RANBP3L: variants seen among roughly 807,000 people sequenced by gnomAD.
RANBP3L encodes ran-binding protein 3-like.
In RANBP3L, 56 loss-of-function variants were observed where a neutral mutation model predicts 67.2. The ratio of observed to expected loss-of-function variants is 0.83; its 90% confidence interval spans 0.67 to 1.04. The LOEUF is 1.04. Ranked by LOEUF, RANBP3L falls within the 50% of genes least tolerant of loss-of-function variation. The pLI is 0.00. For synonymous variants in RANBP3L, 164 were observed against 181.4 expected (o/e 0.90, Z 0.77); for missense variants, 496 against 535.5 (o/e 0.93, Z 0.73).
At chr5:36,295,273 G>A (rs1188685085) in intron 1 of RANBP3L, among the ~76,000 whole-genome samples, 1 of 151,992 alleles carries the variant, frequency 6.6e-6, no homozygotes, top group African/African-American at 2.4e-5. Flanking sequence ...ACATGTCATG[G>A]GAGGGACCCA....
At chr5:36,296,846 T>C (rs1053173873) in intron 1 of RANBP3L, among the ~76,000 whole-genome samples, 43 of 152,266 alleles carry the variant, frequency 2.8e-4, no homozygotes, top group Admixed American at 1.8e-3. Context: ...AAGGCCTGAA[T>C]AGAACAAAAG....
chr5:36,248,214 A>T lies in RANBP3L; in HGVS notation c.*1440T>A. Among the ~76,000 whole-genome samples, 1 of 150,206 alleles carries T rather than the reference A, an allele frequency of 6.7e-6. No individual in the cohort carries two copies. Among genetic ancestry groups the T allele is most frequent in the Non-Finnish European group, 1.5e-5 (1 of 67,508 alleles). On this transcript the variant is annotated 3_prime_UTR_variant, in exon 14 of 14. Coordinates refer to ENST00000296604, the MANE Select transcript of RANBP3L (RefSeq NM_145000.5). ...CACATTTACTTTATTTTTCCTCTTT[A>T]TTTTCTGAGTCATTGACTCCTTTAT... is the stretch of plus-strand genomic sequence containing the variant.
At chr5:36,263,532 T>C (rs1029388468) in intron 6 of RANBP3L, among the ~76,000 whole-genome samples, 2 of 152,206 alleles carry the variant, frequency 1.3e-5, no homozygotes, top group Non-Finnish European at 1.5e-5. Context: ...TTCTATTACA[T>C]AATTTAAAAC....
In RANBP3L at chr5:36,261,956, TA is replaced by T. The variant is rs1749422775; in HGVS notation, c.566del (p.Leu189Ter). The T allele has an allele frequency of 1.9e-6, 3 of 1,573,322 alleles. No individual in the cohort carries two copies. The highest frequency in any genetic ancestry group is 1.4e-5 in the African/African-American group (1 of 73,964). On this transcript the variant is annotated frameshift_variant, in exon 7 of 14. Transcript: ENST00000296604. LOFTEE classifies it high-confidence loss of function. ...TAACTTACCCTACTGATGTTGCACC[TA>T]AAAAGTCCTGGTTAGTAGACAGCTG... Reference protein sequence around the residue: ...SVQLSTNQDFLGATSVGCQPN... With the variant: ...SVQLSTNQDFXGATSVGCQPN...
chr5:36,269,351 A>G (rs969460434), intron 4 of RANBP3L, 39 bp downstream of exon 4: 2 of 1,180,702 alleles, frequency 1.7e-6, no homozygotes, highest in Non-Finnish European at 2.5e-6. Context: ...TTCAGAATAA[A>G]CATAACAGTG....
chr5:36,258,699 C>G (rs1749163664), intron 8 of RANBP3L, among the ~76,000 whole-genome samples: 2 of 152,222 alleles, frequency 1.3e-5, no homozygotes, highest in Admixed American at 1.3e-4. Flanking sequence ...AGTGCCTTCT[C>G]AAACAAAACC....
chr5:36,285,866 G>A (rs1751287385), intron 1 of RANBP3L, among the ~76,000 whole-genome samples: 1 of 152,160 alleles, frequency 6.6e-6, no homozygotes, highest in African/African-American at 2.4e-5. Flanking sequence ...ACCTTGGATT[G>A]CCTGAAATAT....
rs766704642 is a variant in RANBP3L, at chr5:36,260,884, A to T, written c.585-20T>A. The stretch of plus-strand genomic sequence containing the variant: ...TGACATCTAAGAAAATGAAATAAGC[A>T]TTTACTATTTTAAATACATAGATAA... On this transcript the variant is annotated intron_variant, in intron 7 of 13. Transcript: ENST00000296604. 5.1e-5 allele frequency: 54 copies of T among 1,062,302 alleles called. 2 individuals are homozygous for T. In the South Asian group the frequency reaches 7.3e-4, roughly 14 times the overall value. The allele number at this position is 1,062,302 out of a possible 1,614,324, so 65.8% of individuals were successfully genotyped here.
intron 1 of RANBP3L, among the ~76,000 whole-genome samples, chr5:36,291,987 C>A (rs1751817859): frequency 7.7e-6 from 1 of 130,338 alleles, no homozygotes; most frequent in East Asian, 2.1e-4. Flanking sequence ...CTGACTTCCA[C>A]AATGGTTGAA....
intron 1 of RANBP3L, among the ~76,000 whole-genome samples, chr5:36,279,591 CA>C (rs1329846587): frequency 6.6e-6 from 1 of 152,088 alleles, no homozygotes; most frequent in African/African-American, 2.4e-5. Context: ...ACTGGAGAAG[CA>C]AGATGAATGG....
rs150881475 is a variant in RANBP3L, at chr5:36,277,386, C to T, written c.92-6075G>A. ...TGTATTTTAAATAAAGGACTCGAGC[C>T]TCAGCTTTTTCATCTCTCTCTCTCT... On this transcript the variant is annotated intron_variant, in intron 1 of 13. Coordinates refer to ENST00000296604, the MANE Select transcript of RANBP3L (RefSeq NM_145000.5). Among the ~76,000 whole-genome samples the T allele has an allele frequency of 2.1e-3, 310 of 146,740 alleles. 2 individuals carry two copies. Among genetic ancestry groups the T allele is most frequent in the Middle Eastern group, 0.021 (6 of 292 alleles).
chr5:36,297,138 A>AAT (rs1308700579), intron 1 of RANBP3L, among the ~76,000 whole-genome samples: 2 of 151,990 alleles, frequency 1.3e-5, no homozygotes, highest in Admixed American at 6.6e-5. Context: ...ACAGTCGATT[A>AAT]ATACATATTT....
In RANBP3L at chr5:36,269,938, T is replaced by A; in HGVS notation, c.190+13A>T. 6.2e-7 allele frequency: 1 copy of A among 1,610,056 alleles called. No individual in the cohort carries two copies. Among genetic ancestry groups the A allele is most frequent in the Non-Finnish European group, 8.5e-7 (1 of 1,176,280 alleles). On this transcript the variant is annotated intron_variant, in intron 3 of 13. Transcript: ENST00000296604. ...TAAAGATTGATTTTGGAATACAGGA[T>A]GAAAATCATTACCTGGTTCTGCTGC...
At chr5:36,277,422 C>CTCTCTG (rs377029015) in intron 1 of RANBP3L, among the ~76,000 whole-genome samples, 1 of 115,262 alleles carries the variant, frequency 8.7e-6, no homozygotes, top group African/African-American at 3.4e-5. Flanking sequence ...CTCTCTCTCT[C>CTCTCTG]TATATATATA....
At chr5:36,266,901 C>G (rs1189226177) in intron 4 of RANBP3L, among the ~76,000 whole-genome samples, 1 of 152,014 alleles carries the variant, frequency 6.6e-6, no homozygotes, top group African/African-American at 2.4e-5. Flanking sequence ...GAACTACAGG[C>G]GTGCAACACC....
chr5:36,297,816 T>C (rs1223837304), intron 1 of RANBP3L, among the ~76,000 whole-genome samples: 2 of 152,202 alleles, frequency 1.3e-5, no homozygotes, highest in Non-Finnish European at 2.9e-5. Context: ...CAGAAAACCA[T>C]GGCTTAGTTG....
intron 1 of RANBP3L, among the ~76,000 whole-genome samples, chr5:36,290,129 G>A (rs1272128257): frequency 6.6e-6 from 1 of 151,626 alleles, no homozygotes; most frequent in South Asian, 2.1e-4. Context: ...CTGGCACAAA[G>A]GTATTCATAA....
At chr5:36,261,909 G>A in intron 7 of RANBP3L, 30 bp downstream of exon 7, 2 of 1,015,214 alleles carry the variant, frequency 2.0e-6, no homozygotes, top group Non-Finnish European at 3.0e-6. Flanking sequence ...AGAATGAAAG[G>A]ACAACGCTTC....
chr5:36,276,195 A>T (rs980008806), intron 1 of RANBP3L, among the ~76,000 whole-genome samples: 1 of 152,144 alleles, frequency 6.6e-6, no homozygotes, highest in African/African-American at 2.4e-5. Context: ...ATAACTGAAG[A>T]TCTGCTTTTT....
Sources: gnomAD v4.1 joint callset for allele counts (sites outside exome capture counted in the v4.1 genomes callset) on GRCh38, gnomAD v4.1.1 for gene constraint, MANE v1.5 for transcripts, NCBI Gene and HGNC (gene_info 2026-07-23, HGNC 2026-07-21) for gene names.